The following SCARB2 variants were observed in gnomAD, a reference collection of about 807,000 sequenced individuals.
SCARB2 encodes lysosome membrane protein 2.
SCARB2 carries 29 observed loss-of-function variants against 58.6 expected under a neutral mutation model. The ratio of observed to expected loss-of-function variants is 0.49; its 90% CI spans 0.37 to 0.67. SCARB2 has a LOEUF of 0.67. SCARB2 is among the 30% of genes least tolerant of loss of function. SCARB2 has a pLI of 0.00. For synonymous variants in SCARB2, 195 were observed against 210.1 expected (o/e 0.93, Z 0.62); for missense variants, 488 against 578.5 (o/e 0.84, Z 1.60).
In SCARB2 at chr4:76,213,481, G is replaced by A; in HGVS notation, c.63C>T (p.Val21=). 1.2e-6 allele frequency: 2 copies of A among 1,611,292 alleles called. No individual in the cohort carries two copies. The highest frequency in any genetic ancestry group is 1.7e-6 in the Non-Finnish European group (2 of 1,178,850). The part of the protein sequence containing the change: ...TLSLLLLVTS[V]TLLVARVFQK... ...GGAAGACCCGGGCCACCAGCAGCGT[G>A]ACGCTGGTCACCAGCAGGAGCAGGG... The change falls in exon 1 of 12, where the codon GTC becomes GTT. Residue 21 remains valine, a synonymous_variant. Transcript: ENST00000264896.
At chr4:76,212,112 T>C (rs1190182552) in intron 1 of SCARB2, among the ~76,000 whole-genome samples, 1 of 152,078 alleles carries the variant, frequency 6.6e-6, no homozygotes, top group Non-Finnish European at 1.5e-5. Flanking sequence ...ACTCACATAT[T>C]TACTATAATT....
At chr4:76,208,513 T>G (rs1032728627) in intron 1 of SCARB2, among the ~76,000 whole-genome samples, 3 of 152,150 alleles carry the variant, frequency 2.0e-5, no homozygotes, top group African/African-American at 4.8e-5. Context: ...GGTCAACAGC[T>G]GGAAAGTCAC....
Position 76,213,495 on chromosome 4 carries a change from G to C in SCARB2, c.49C>G (p.Leu17Val). The change falls in exon 1 of 12, where the codon CTG becomes GTG. Residue 17 changes from leucine to valine, a missense_variant. Coordinates refer to ENST00000264896, the MANE Select transcript of SCARB2 (RefSeq NM_005506.4). The part of the protein sequence containing the change: ...YTAGTLSLLL[L>V]VTSVTLLVAR... ...ACCAGCAGCGTGACGCTGGTCACCA[G>C]CAGGAGCAGGGACAACGTCCCCGCC... is the stretch of plus-strand genomic sequence containing the variant. 1.9e-6 allele frequency: 3 copies of C among 1,611,326 alleles called. No homozygotes were observed. The highest frequency in any genetic ancestry group is 2.2e-5 in the South Asian group (2 of 90,472).
intron 9 of SCARB2, chr4:76,166,839 C>G (rs776654309): frequency 6.4e-6 from 1 of 155,620 alleles, no homozygotes; most frequent in African/African-American, 2.4e-5. Flanking sequence ...TGTAATTCCA[C>G]TTTGCTTCTA....
rs1259886166 is a variant in SCARB2, at chr4:76,198,841, A to AGTGAGT, written c.118-2978_118-2977insACTCAC. 7.5e-3 allele frequency among the ~76,000 whole-genome samples: 1,063 copies of AGTGAGT among 141,092 alleles called. 17 individuals are homozygous for AGTGAGT. Among genetic ancestry groups the AGTGAGT allele is most frequent in the African/African-American group, 0.029 (1,017 of 35,614 alleles). The allele number at this position is 141,092 out of a possible 152,430, so 92.6% of individuals were successfully genotyped here. A position where few individuals can be genotyped will look rare whatever the true frequency, so the allele number is the denominator to read the frequency against. On this transcript the variant is annotated intron_variant, in intron 1 of 11. Transcript: ENST00000264896. ...TAGATCACGTGCTGGAGAGTGAGTG[A>AGTGAGT]GTGTGTGTGTGTGTGTGTGTGTGTG...
At chr4:76,168,574 G>T (rs1430587847) in intron 8 of SCARB2, 98 bp from the exon 9 acceptor site, 15 of 968,772 alleles carry the variant, frequency 1.5e-5, no homozygotes, top group Non-Finnish European at 2.3e-5. Flanking sequence ...TCATAAACAA[G>T]GTGACCATTA....
chr4:76,203,360 C>T (rs957367063), intron 1 of SCARB2, among the ~76,000 whole-genome samples: 1 of 152,160 alleles, frequency 6.6e-6, no homozygotes, highest in East Asian at 1.9e-4. Flanking sequence ...ACTCATCAGC[C>T]TTTAAATATC....
At chr4:76,219,571 C>G (rs1194054354) in intron 1 of SCARB2, among the ~76,000 whole-genome samples, 1 of 151,996 alleles carries the variant, frequency 6.6e-6, no homozygotes, top group Non-Finnish European at 1.5e-5. Context: ...TGGGGAGAAG[C>G]TGTATAAACG....
At chr4:76,214,441 G>C, upstream of SCARB2, 1 of 391,254 alleles carries the variant, frequency 2.6e-6, no homozygotes, top group South Asian at 1.8e-5. Context: ...AAAGGCATTG[G>C]GGGTGAAAGA....
At chr4:76,183,667 G>C (rs897971232) in intron 2 of SCARB2, among the ~76,000 whole-genome samples, 1 of 152,156 alleles carries the variant, frequency 6.6e-6, no homozygotes, top group Non-Finnish European at 1.5e-5. Context: ...AGGCATGATT[G>C]ATTAAATCAC....
chr4:76,224,914 C>G (rs1733368816), intron 1 of SCARB2, among the ~76,000 whole-genome samples: 1 of 151,990 alleles, frequency 6.6e-6, no homozygotes, highest in Admixed American at 6.6e-5. Context: ...CCTACCCTTC[C>G]CCCCAAGTCC....
chr4:76,181,124 A>G (rs1410005682), intron 2 of SCARB2, 23 bp from the exon 3 acceptor site: 2 of 1,609,976 alleles, frequency 1.2e-6, no homozygotes, highest in Non-Finnish European at 1.7e-6. Context: ...AAAGGGTTTT[A>G]TTTGAAAATA....
In SCARB2 at chr4:76,201,487, C is replaced by G. The variant is rs117817153; in HGVS notation, c.118-5623G>C. Among the ~76,000 whole-genome samples, 318 of 152,294 alleles carry G rather than the reference C, an allele frequency of 2.1e-3. 5 individuals carry two copies. The East Asian group carries it at 0.053, about 26-fold the overall frequency. ...GATGATACCGCAGCGTAGAGCACAACGCTGTGCCAGGCATTCATCTTCTGC... is the reference window on the plus strand; with the variant it reads ...GATGATACCGCAGCGTAGAGCACAAGGCTGTGCCAGGCATTCATCTTCTGC... On this transcript the variant is annotated intron_variant, in intron 1 of 11. Coordinates refer to ENST00000264896, the MANE Select transcript of SCARB2 (RefSeq NM_005506.4).
chr4:76,161,980 T>C, intron 11 of SCARB2: 3 of 591,458 alleles, frequency 5.1e-6, no homozygotes, highest in Non-Finnish European at 9.1e-6. Context: ...ACCAGAGCAG[T>C]ACCCTTCTCT....
At position 76,179,625 on chromosome 4, in the gene SCARB2, A is replaced by T. The variant is rs780352333; in HGVS notation, c.504T>A (p.Phe168Leu). 2.3e-5 allele frequency: 37 copies of T among 1,614,026 alleles called. No homozygotes were observed. The East Asian group carries it at 8.2e-4, about 36-fold the overall frequency. ...AMLKAYQQKL[F>L]VTHTVDELLW... ...GCAATTCGTCAACTGTGTGAGTCAC[A>T]AAGAGCTTCTGCTGATAGGCTTTCA... Residue 168 changes from phenylalanine to leucine, a missense_variant, in exon 4 of 12, where the codon TTT becomes TTA. Coordinates refer to ENST00000264896, the MANE Select transcript of SCARB2 (RefSeq NM_005506.4).
chr4:76,190,163 C>A (rs1732574709), intron 2 of SCARB2, among the ~76,000 whole-genome samples: 2 of 152,028 alleles, frequency 1.3e-5, no homozygotes. Context: ...CACATGCCAC[C>A]ACGCCTGGCT....
At chr4:76,194,401 G>A (rs1732666804) in intron 2 of SCARB2, 1 of 152,168 alleles carries the variant, frequency 6.6e-6, no homozygotes, top group African/African-American at 2.4e-5. Context: ...TAAAAACCAT[G>A]TGGAGGAGGT....
intron 2 of SCARB2, among the ~76,000 whole-genome samples, chr4:76,183,624 T>G (rs944736558): frequency 8.5e-5 from 13 of 152,276 alleles, no homozygotes; most frequent in African/African-American, 3.1e-4. Flanking sequence ...CCAAATTCAG[T>G]CCTTTTGGTT....
At chr4:76,170,566 A>C (rs1340965294) in intron 7 of SCARB2, among the ~76,000 whole-genome samples, 1 of 151,634 alleles carries the variant, frequency 6.6e-6, no homozygotes, top group Non-Finnish European at 1.5e-5. Flanking sequence ...TTTTGTTTTT[A>C]CCAAAGACAG....
Sources: gnomAD v4.1 joint callset for allele counts (sites outside exome capture counted in the v4.1 genomes callset) on GRCh38, gnomAD v4.1.1 for gene constraint, MANE v1.5 for transcripts, NCBI Gene and HGNC (gene_info 2026-07-23, HGNC 2026-07-21) for gene names.